The following PMEL variants were observed in gnomAD, a reference collection of about 807,000 sequenced individuals.
PMEL encodes the protein melanocyte protein PMEL.
PMEL carries 53 observed loss-of-function variants against 64.9 expected under a neutral mutation model. That is an observed-to-expected ratio of 0.82 (90% confidence interval 0.66 to 1.03). PMEL has a LOEUF of 1.03. Among genes scored for constraint, PMEL ranks in the 50% least tolerant of loss-of-function variants. PMEL has a pLI of 0.00. For missense variants in PMEL, 716 were observed against 814.9 expected (o/e 0.88, Z 1.48); for synonymous variants, 299 against 316.2 (o/e 0.95, Z 0.58).
At chr12:55,962,087 T>C (rs946351604) in intron 1 of PMEL, among the ~76,000 whole-genome samples, 1 of 151,980 alleles carries the variant, frequency 6.6e-6, no homozygotes, top group African/African-American at 2.4e-5. Context: ...CTGCCTGCTT[T>C]GGCCTCCCAA....
At chr12:55,960,535 C>CTTTTTTTTTTTTTTTTTTTTTTTT (rs1889060584) in intron 3 of PMEL, among the ~76,000 whole-genome samples, 1 of 122,944 alleles carries the variant, frequency 8.1e-6, no homozygotes, top group African/African-American at 3.6e-5. Context: ...TTTTTGCTTT[C>CTTTTTTTTTTTTTTTTTTTTTTTT]TGTTTTTTTT....
At chr12:55,962,640 C>T (rs2136448551) in intron 1 of PMEL, among the ~76,000 whole-genome samples, 1 of 145,850 alleles carries the variant, frequency 6.9e-6, no homozygotes, top group South Asian at 2.3e-4. Context: ...TCTCGTTCCT[C>T]AGCCTCCCAA....
intron 1 of PMEL, among the ~76,000 whole-genome samples, chr12:55,965,315 C>T (rs1177582728): frequency 6.6e-6 from 1 of 152,100 alleles, no homozygotes; most frequent in Non-Finnish European, 1.5e-5. Context: ...ACCACTAGAA[C>T]AAGAGAAGTC....
At chr12:55,960,255 A>AG (rs398038402) in intron 3 of PMEL, among the ~76,000 whole-genome samples, 4 of 151,392 alleles carry the variant, frequency 2.6e-5, no homozygotes, top group African/African-American at 9.8e-5. Context: ...AGAAAAAAAA[A>AG]GAAATGGAAA....
chr12:55,954,904 C>CA lies in PMEL; in HGVS notation c.1850+369dup, dbSNP rs528485237. Among the ~76,000 whole-genome samples the CA allele has an allele frequency of 2.8e-3, 392 of 141,756 alleles. 3 individuals carry two copies. The highest frequency in any genetic ancestry group is 1.8e-3 in the Non-Finnish European group (115 of 64,590). 93.0% of individuals were successfully genotyped at this position (141,756 alleles called of 152,430 possible). A position where few individuals can be genotyped will look rare whatever the true frequency, so the allele number is the denominator to read the frequency against. ...GGGCAAAAAGGGTGAAACTCCGTCT[C>CA]AAAAAAAAAAAGAAAACTCAGTTTA... On this transcript the variant is annotated intron_variant, in intron 10 of 10. Transcript: ENST00000548747.
upstream of PMEL, chr12:55,966,610 A>G (rs1889310639): frequency 1.1e-6 from 1 of 926,312 alleles, no homozygotes; most frequent in Non-Finnish European, 1.3e-6. Flanking sequence ...CAAAGCAGGT[A>G]CTTGGGAAGA....
Position 55,956,943 on chromosome 12 carries a change from T to C in PMEL, c.1354+6A>G. 1 of 1,613,466 alleles carries C rather than the reference T, an allele frequency of 6.2e-7. No homozygotes were observed. Reference sequence around the variant, plus strand: ...CCGTGAACCTCATTCGCACTGATACTCTTACCTGTAATACTTTCCGTAGAC... The same window carrying C: ...CCGTGAACCTCATTCGCACTGATACCCTTACCTGTAATACTTTCCGTAGAC... On this transcript the variant is annotated splice_donor_region_variant and intron_variant, in intron 6 of 10. Coordinates refer to ENST00000548747, the MANE Select transcript of PMEL (RefSeq NM_001384361.1).
intron 1 of PMEL, among the ~76,000 whole-genome samples, chr12:55,964,092 T>G (rs1018153572): frequency 2.6e-5 from 4 of 151,600 alleles, no homozygotes; most frequent in Non-Finnish European, 5.9e-5. Context: ...GAAGCCATCT[T>G]CCTCATTAGC....
chr12:55,958,188 G>C, intron 4 of PMEL, 104 bp from the exon 5 acceptor site: 1 of 1,201,372 alleles, frequency 8.3e-7, no homozygotes. Flanking sequence ...CAGGAAGTAT[G>C]ATTACTTCTG....
chr12:55,966,146 A>T, upstream of PMEL: 1 of 1,398,694 alleles, frequency 7.1e-7, no homozygotes, highest in Non-Finnish European at 9.7e-7. Context: ...GGAGAGGAAA[A>T]AGGAAAAACT....
Position 55,955,493 on chromosome 12 carries a change from G to A in PMEL, c.1733C>T (p.Ala578Val). Residue 578 changes from alanine to valine, a missense_variant, in exon 9 of 11, where the codon GCA becomes GTA. By Grantham distance (64) the Ala-to-Val change is moderately conservative. Coordinates refer to ENST00000548747, the MANE Select transcript of PMEL (RefSeq NM_001384361.1). ...NVSLADTNSL[A>V]VVSTQLIMPG... ...CATGATAAGCTGGGTGCTGACCACT[G>A]CCAGGCTGTTGGTATCAGCCAGAGA... 1 of 1,614,026 alleles carries A rather than the reference G, an allele frequency of 6.2e-7. No individual in the cohort carries two copies. The highest frequency in any genetic ancestry group is 8.5e-7 in the Non-Finnish European group (1 of 1,179,948).
At chr12:55,956,018 A>T in intron 7 of PMEL, 85 bp downstream of exon 7, 1 of 1,113,934 alleles carries the variant, frequency 9.0e-7, no homozygotes, top group Non-Finnish European at 1.4e-6. Context: ...CTAGGTGAGT[A>T]ATTCCTCCCA....
chr12:55,959,906 A>G (rs1381458680), intron 3 of PMEL, among the ~76,000 whole-genome samples: 1 of 152,178 alleles, frequency 6.6e-6, no homozygotes, highest in Non-Finnish European at 1.5e-5. Context: ...ACATATTATC[A>G]CATTCTAATC....
At position 55,960,246 on chromosome 12, in the gene PMEL, G is replaced by A. The variant is rs1382753759; in HGVS notation, c.334+1071C>T. ...AAAAAGAAAAGAAAAGAAAAGAAAA[G>A]AAAAAAAAAGAAATGGAAACACAAA... On this transcript the variant is annotated intron_variant, in intron 3 of 10. Coordinates refer to ENST00000548747, the MANE Select transcript of PMEL (RefSeq NM_001384361.1). Among the ~76,000 whole-genome samples the A allele has an allele frequency of 5.2e-4, 74 of 142,946 alleles. 1 individual carries two copies. Among genetic ancestry groups the A allele is most frequent in the East Asian group, 1.0e-3 (5 of 4,986 alleles). 93.8% of individuals were successfully genotyped at this position (142,946 alleles called of 152,430 possible).
chr12:55,963,927 A>C (rs1428479450), intron 1 of PMEL, among the ~76,000 whole-genome samples: 1 of 151,278 alleles, frequency 6.6e-6, no homozygotes, highest in Non-Finnish European at 1.5e-5. Flanking sequence ...AGCACAGCAA[A>C]AACTACCCTC....
At chr12:55,958,398 G>A (rs185785585) in intron 4 of PMEL, 75 bp downstream of exon 4, 69 of 1,447,722 alleles carry the variant, frequency 4.8e-5, no homozygotes, top group East Asian at 2.7e-4. Context: ...TGGAAGGGGC[G>A]GCCAAAAGAA....
chr12:55,962,787 TC>T (rs1007133468), intron 1 of PMEL, among the ~76,000 whole-genome samples: 3 of 151,796 alleles, frequency 2.0e-5, no homozygotes, highest in Non-Finnish European at 4.4e-5. Context: ...CGCTTCGGCC[TC>T]CCAAAGTGCT....
At chr12:55,958,405 A>G in intron 4 of PMEL, 68 bp downstream of exon 4, 1 of 1,481,438 alleles carries the variant, frequency 6.8e-7, no homozygotes. Flanking sequence ...GGCGGCCAAA[A>G]GAAAGGTGAT....
intron 1 of PMEL, 62 bp from the exon 2 acceptor site, chr12:55,961,794 T>C: frequency 2.0e-6 from 2 of 983,878 alleles, no homozygotes; most frequent in Non-Finnish European, 3.2e-6. Context: ...GGGATAACAC[T>C]CTATTCATGT....
Sources: gnomAD v4.1 joint callset for allele counts (sites outside exome capture counted in the v4.1 genomes callset) on GRCh38, gnomAD v4.1.1 for gene constraint, MANE v1.5 for transcripts, NCBI Gene and HGNC (gene_info 2026-07-23, HGNC 2026-07-21) for gene names.